CNOT10: variants seen among roughly 807,000 people sequenced by gnomAD.
CNOT10 encodes the protein CCR4-NOT transcription complex, subunit 10.
Under a neutral mutation model 94.6 loss-of-function variants are expected in CNOT10, and 30 were observed. The observed-to-expected ratio is 0.32, with a 90% CI of 0.24 to 0.43. CNOT10 has a LOEUF of 0.43. CNOT10 is among the 20% of genes least tolerant of loss of function. CNOT10 has a pLI of 1.00. For synonymous variants in CNOT10, 289 were observed against 301.6 expected (o/e 0.96, Z 0.43); for missense variants, 759 against 877.2 (o/e 0.87, Z 1.70).
At chr3:32,727,209 T>C (rs1464163683) in intron 9 of CNOT10, among the ~76,000 whole-genome samples, 1 of 152,014 alleles carries the variant, frequency 6.6e-6, no homozygotes, top group Non-Finnish European at 1.5e-5. Context: ...AGATGGCTCA[T>C]GCCTGTAATC....
intron 8 of CNOT10, among the ~76,000 whole-genome samples, chr3:32,721,304 C>G (rs1458556181): frequency 1.3e-5 from 2 of 151,530 alleles, no homozygotes; most frequent in East Asian, 3.9e-4. Flanking sequence ...TCAAGTGACC[C>G]GCCCACCTCA....
chr3:32,725,636 C>T (rs1487239071), intron 9 of CNOT10, 37 bp downstream of exon 9: 43 of 1,547,246 alleles, frequency 2.8e-5, no homozygotes, highest in Non-Finnish European at 3.2e-5. Context: ...GTATTTACTA[C>T]TTCAGAAAAG....
intron 1 of CNOT10, among the ~76,000 whole-genome samples, chr3:32,703,028 C>T (rs1218808637): frequency 1.3e-5 from 2 of 151,148 alleles, no homozygotes; most frequent in African/African-American, 4.9e-5. Context: ...TCTCCCGCCT[C>T]AGTCTCCCAA....
chr3:32,753,268 A>AG, intron 13 of CNOT10: 1 of 824,502 alleles, frequency 1.2e-6, no homozygotes, highest in Non-Finnish European at 2.1e-6. Context: ...GGATTAAAAG[A>AG]TGTCAAGAAG....
chr3:32,742,984 C>CTT lies in CNOT10; in HGVS notation c.1595+5512_1595+5513dup, dbSNP rs11425595. ...CAAGTTTACTTGAATGAATACTAAT[C>CTT]TTTTTTTTTTTTTTTTTTTGAGATA... On this transcript the variant is annotated intron_variant, in intron 13 of 18. Coordinates refer to ENST00000328834, the MANE Select transcript of CNOT10 (RefSeq NM_015442.3). 1.5e-3 allele frequency among the ~76,000 whole-genome samples: 181 copies of CTT among 122,696 alleles called. 3 individuals are homozygous for CTT. The highest frequency in any genetic ancestry group is 4.5e-3 in the Middle Eastern group (1 of 222). 80.5% of individuals were successfully genotyped at this position (122,696 alleles called of 152,430 possible). A position where few individuals can be genotyped will look rare whatever the true frequency, so the allele number is the denominator to read the frequency against.
intron 13 of CNOT10, among the ~76,000 whole-genome samples, chr3:32,745,421 C>T (rs1037543651): frequency 4.0e-5 from 6 of 151,860 alleles, no homozygotes; most frequent in African/African-American, 1.5e-4. Context: ...GCTTCAGTTT[C>T]TGAACCACTC....
chr3:32,685,776 T>C (rs2125480337), intron 1 of CNOT10, among the ~76,000 whole-genome samples: 1 of 152,206 alleles, frequency 6.6e-6, no homozygotes, highest in Middle Eastern at 3.4e-3. Context: ...CTTCGCAGAA[T>C]TTTCCGCTTC....
intron 1 of CNOT10, among the ~76,000 whole-genome samples, chr3:32,687,456 T>TTTTG (rs1696667018): frequency 4.1e-5 from 4 of 96,496 alleles, no homozygotes; most frequent in East Asian, 6.5e-4. Flanking sequence ...TTTTTTGTTT[T>TTTTG]TTTTTTTTTT....
At chr3:32,687,471 A>G (rs188418783) in intron 1 of CNOT10, among the ~76,000 whole-genome samples, 348 of 1,436 alleles carry the variant, frequency 0.24, 4 homozygotes, top group African/African-American at 0.34. Context: ...TTTTTTTTTG[A>G]GACGGAGTCT....
chr3:32,720,839 T>TCCTCCCTC (rs1471583700), intron 8 of CNOT10, among the ~76,000 whole-genome samples: 3 of 120,398 alleles, frequency 2.5e-5, no homozygotes, highest in Admixed American at 8.3e-5. Flanking sequence ...CTCCCTCCCT[T>TCCTCCCTC]CCTCCCTTCC....
At chr3:32,697,509 C>T (rs1697130254) in intron 1 of CNOT10, among the ~76,000 whole-genome samples, 1 of 152,072 alleles carries the variant, frequency 6.6e-6, no homozygotes, top group Non-Finnish European at 1.5e-5. Flanking sequence ...TTCACTCTGT[C>T]ACCCAGGCTG....
chr3:32,728,059 C>T (rs1308087364), intron 10 of CNOT10, among the ~76,000 whole-genome samples, 189 bp downstream of exon 10: 4 of 151,620 alleles, frequency 2.6e-5, no homozygotes, highest in Non-Finnish European at 5.9e-5. Context: ...TGCAATGTTA[C>T]GATCTCGGCT....
intron 3 of CNOT10, 53 bp downstream of exon 3, chr3:32,705,025 ATG>A: frequency 8.4e-7 from 1 of 1,193,022 alleles, no homozygotes; most frequent in Non-Finnish European, 1.1e-6. Flanking sequence ...TCTTTAATTT[ATG>A]AAACACAAAT....
At chr3:32,762,596 T>A (rs1035910144) in intron 14 of CNOT10, 137 bp from the exon 15 acceptor site, 3 of 911,376 alleles carry the variant, frequency 3.3e-6, no homozygotes, top group Non-Finnish European at 4.8e-6. Context: ...CCTAAATAAA[T>A]TTAGATTTCA....
chr3:32,717,120 T>C, intron 6 of CNOT10, 34 bp from the exon 7 acceptor site: 1 of 1,250,138 alleles, frequency 8.0e-7, no homozygotes, highest in Non-Finnish European at 1.1e-6. Flanking sequence ...AAATCCACCA[T>C]AGTTTTAACA....
At chr3:32,698,530 A>AT (rs1284579036) in intron 1 of CNOT10, among the ~76,000 whole-genome samples, 5 of 152,218 alleles carry the variant, frequency 3.3e-5, no homozygotes, top group Non-Finnish European at 7.3e-5. Flanking sequence ...ACATAAATAT[A>AT]TTTTTAAAAA....
At chr3:32,723,520 A>G (rs1279215376) in intron 8 of CNOT10, among the ~76,000 whole-genome samples, 2 of 152,216 alleles carry the variant, frequency 1.3e-5, no homozygotes, top group Non-Finnish European at 2.9e-5. Context: ...TTGGATGAAT[A>G]TTTTAATTTT....
At chr3:32,718,392 G>C (rs1008532668) in intron 7 of CNOT10, among the ~76,000 whole-genome samples, 2 of 149,826 alleles carry the variant, frequency 1.3e-5, no homozygotes, top group African/African-American at 4.9e-5. Flanking sequence ...AGACCATCCT[G>C]GTTAACACAG....
intron 13 of CNOT10, among the ~76,000 whole-genome samples, chr3:32,738,723 A>C (rs1384138904): frequency 6.6e-6 from 1 of 152,038 alleles, no homozygotes; most frequent in East Asian, 1.9e-4. Context: ...CGGCCTCCCA[A>C]AGTGCTGGGT....
Sources: gnomAD v4.1 joint callset for allele counts (sites outside exome capture counted in the v4.1 genomes callset) on GRCh38, gnomAD v4.1.1 for gene constraint, MANE v1.5 for transcripts, NCBI Gene and HGNC (gene_info 2026-07-23, HGNC 2026-07-21) for gene names.